The following LPAR6 variants were observed in gnomAD, a reference collection of about 807,000 sequenced individuals.
LPAR6 encodes the protein lysophosphatidic acid receptor 6, also known as G-protein coupled purinergic receptor P2Y5.
In LPAR6, 17 loss-of-function variants were observed where a neutral mutation model predicts 22.0. The observed-to-expected ratio is 0.77, with a 90% CI of 0.53 to 1.16. The LOEUF is 1.16. Ranked by LOEUF, LPAR6 falls within the 50% of genes most tolerant of loss-of-function variation. The probability of loss-of-function intolerance (pLI) is 0.00; values close to 1 mark genes in which losing one functional copy is unlikely to be tolerated. For synonymous variants in LPAR6, 136 were observed against 139.8 expected (o/e 0.97, Z 0.19); for missense variants, 384 against 406.9 (o/e 0.94, Z 0.48).
intron 1 of LPAR6, among the ~76,000 whole-genome samples, chr13:48,396,786 TAAAC>T (rs1200902292): frequency 6.6e-6 from 1 of 152,078 alleles, no homozygotes; most frequent in Non-Finnish European, 1.5e-5. Flanking sequence ...ACAAGGAACT[TAAAC>T]AAATTTACAG....
intron 1 of LPAR6, among the ~76,000 whole-genome samples, chr13:48,396,169 A>ATATATATAG (rs1948646444): frequency 6.6e-6 from 1 of 152,174 alleles, no homozygotes; most frequent in African/African-American, 2.4e-5. Context: ...ATAGAACCTA[A>ATATATATAG]AAAGAGCCCA....
downstream of LPAR6, among the ~76,000 whole-genome samples, chr13:48,406,932 G>A (rs903614123): frequency 6.6e-6 from 1 of 152,084 alleles, no homozygotes; most frequent in Non-Finnish European, 1.5e-5. Flanking sequence ...TTACCCTGGC[G>A]CTACATTAAT....
At chr13:48,405,160 T>G (rs1948728480) in intron 1 of LPAR6, among the ~76,000 whole-genome samples, 1 of 152,168 alleles carries the variant, frequency 6.6e-6, no homozygotes, top group Non-Finnish European at 1.5e-5. Context: ...AATCCTACGA[T>G]GCAACAAGCC....
upstream of LPAR6, among the ~76,000 whole-genome samples, chr13:48,428,474 T>G (rs186881139): frequency 7.5e-4 from 112 of 150,270 alleles, no homozygotes; most frequent in East Asian, 2.4e-3. Flanking sequence ...GCATTGGGGA[T>G]CACATTTCAA....
chr13:48,398,864 G>A (rs1948668067), intron 1 of LPAR6, among the ~76,000 whole-genome samples: 2 of 152,148 alleles, frequency 1.3e-5, no homozygotes, highest in African/African-American at 4.8e-5. Context: ...GAGTAACAAG[G>A]GAAGTGTTTT....
At chr13:48,431,995 A>G (rs967921319) in intron 1 of LPAR6, among the ~76,000 whole-genome samples, 4 of 152,160 alleles carry the variant, frequency 2.6e-5, no homozygotes, top group Non-Finnish European at 5.9e-5. Context: ...CCCTGAGCTT[A>G]TATTTTATTT....
At chr13:48,395,254 C>T (rs375387646) in intron 1 of LPAR6, among the ~76,000 whole-genome samples, 194 of 152,232 alleles carry the variant, frequency 1.3e-3, no homozygotes, top group Middle Eastern at 6.8e-3. Flanking sequence ...TCATCAACAT[C>T]AAAGACCAAA....
At chr13:48,431,411 A>G (rs1198415879), upstream of LPAR6, among the ~76,000 whole-genome samples, 3 of 152,354 alleles carry the variant, frequency 2.0e-5, no homozygotes, top group African/African-American at 7.2e-5. Flanking sequence ...GACTTTAGGC[A>G]TTTATGCAGA....
chr13:48,412,552 A>G lies in LPAR6; in HGVS notation c.-129T>C, dbSNP rs1948834889. 1 of 711,498 alleles carries G rather than the reference A, an allele frequency of 1.4e-6. No individual in the cohort carries two copies. Among genetic ancestry groups the G allele is most frequent in the South Asian group, 1.6e-5 (1 of 63,214 alleles). The allele number at this position is 711,498 out of a possible 1,614,324, so 44.1% of individuals were successfully genotyped here. A position where few individuals can be genotyped will look rare whatever the true frequency, so the allele number is the denominator to read the frequency against. ...TATCTGGATCTTTGGATGGTTTTAT[A>G]AATATTTCCTTTTTCTCAGAAATAC... On this transcript the variant is annotated 5_prime_UTR_variant, in exon 1 of 1. Coordinates refer to ENST00000620633, the MANE Select transcript of LPAR6 (RefSeq NM_001162498.3).
chr13:48,435,814 T>A (rs1949177468), intron 1 of LPAR6, among the ~76,000 whole-genome samples: 1 of 152,228 alleles, frequency 6.6e-6, no homozygotes, highest in Admixed American at 6.5e-5. Context: ...TTTTAAAGGC[T>A]ATCCTTTTTC....
intron 1 of LPAR6, among the ~76,000 whole-genome samples, chr13:48,390,315 G>A (rs1364044384): frequency 6.6e-6 from 1 of 152,200 alleles, no homozygotes; most frequent in African/African-American, 2.4e-5. Context: ...GGAGGTTGTA[G>A]TCAAAGAGTT....
upstream of LPAR6, among the ~76,000 whole-genome samples, chr13:48,414,270 CTGGGAGGCAGATGT>C (rs1228948548): frequency 6.6e-6 from 1 of 151,600 alleles, no homozygotes; most frequent in East Asian, 1.9e-4. Context: ...TCGCTTGAAC[CTGGGAGGCAGATGT>C]TGCAGTGAAC....
intron 1 of LPAR6, among the ~76,000 whole-genome samples, chr13:48,405,622 A>G (rs1421476179): frequency 1.3e-5 from 2 of 152,240 alleles, no homozygotes; most frequent in South Asian, 2.1e-4. Flanking sequence ...GCAGCCAGAA[A>G]GTAGAGCCTG....
At chr13:48,426,816 C>G (rs1949086192) in intron 1 of LPAR6, 1 of 152,288 alleles carries the variant, frequency 6.6e-6, no homozygotes, top group South Asian at 2.1e-4. Flanking sequence ...ATACCTGAGA[C>G]TGGGTAATTT....
At chr13:48,439,156 G>A (rs1464851883) in intron 1 of LPAR6, among the ~76,000 whole-genome samples, 5 of 152,118 alleles carry the variant, frequency 3.3e-5, no homozygotes, top group Non-Finnish European at 7.4e-5. Flanking sequence ...ACTTGGGTTT[G>A]AATCACTGCT....
At chr13:48,413,942 G>C (rs1948862566), upstream of LPAR6, among the ~76,000 whole-genome samples, 2 of 152,028 alleles carry the variant, frequency 1.3e-5, no homozygotes. Context: ...CTTCCTCCCA[G>C]CTCTTCCCTT....
At chr13:48,426,807 T>C (rs1566221614) in intron 1 of LPAR6, 1 of 152,228 alleles carries the variant, frequency 6.6e-6, no homozygotes, top group African/African-American at 2.4e-5. Flanking sequence ...TGTAAAGAAA[T>C]ACCTGAGACT....
intron 2 of LPAR6, among the ~76,000 whole-genome samples, chr13:48,419,480 G>C (rs941435588): frequency 1.3e-5 from 2 of 152,212 alleles, no homozygotes; most frequent in African/African-American, 4.8e-5. Flanking sequence ...AAAAGAACTA[G>C]AGAAGCAAGA....
chr13:48,395,344 C>G (rs1948639538), intron 1 of LPAR6, among the ~76,000 whole-genome samples: 1 of 152,090 alleles, frequency 6.6e-6, no homozygotes, highest in African/African-American at 2.4e-5. Flanking sequence ...CTTTTCTCTT[C>G]CAAAGAATGA....
Sources: allele counts gnomAD v4.1 joint callset (sites outside exome capture counted in the v4.1 genomes callset), GRCh38; gene constraint gnomAD v4.1.1; transcripts MANE v1.5; gene names NCBI Gene and HGNC (gene_info 2026-07-23, HGNC 2026-07-21).